SLC22A16: variants seen among roughly 807,000 people sequenced by gnomAD.
SLC22A16 encodes the protein solute carrier family 22 member 16, also known as WUGSC:RG331P03.1.
SLC22A16 carries 53 observed loss-of-function variants against 52.9 expected under a neutral mutation model. The ratio of observed to expected loss-of-function variants is 1.00; its 90% confidence interval spans 0.80 to 1.26. The LOEUF is 1.26. Ranked by LOEUF, SLC22A16 falls within the 50% of genes most tolerant of loss-of-function variation. The probability of loss-of-function intolerance (pLI) is 0.00; values close to 1 mark genes in which losing one functional copy is unlikely to be tolerated. For missense variants in SLC22A16, 726 were observed against 704.0 expected (o/e 1.03, Z -0.35); for synonymous variants, 291 against 268.8 (o/e 1.08, Z -0.81).
intron 2 of SLC22A16, chr6:110,455,463 T>A (rs898645839): frequency 6.6e-6 from 1 of 152,160 alleles, no homozygotes; most frequent in African/African-American, 2.4e-5. Flanking sequence ...TAGACTGGTA[T>A]ACCTCAAGGG....
At chr6:110,432,993 A>T (rs1456095054) in intron 6 of SLC22A16, among the ~76,000 whole-genome samples, 1 of 152,218 alleles carries the variant, frequency 6.6e-6, no homozygotes, top group Non-Finnish European at 1.5e-5. Context: ...TGGGTCACTG[A>T]CTAGCCAGAT....
intron 2 of SLC22A16, 126 bp downstream of exon 2, chr6:110,456,412 G>A: frequency 8.7e-7 from 1 of 1,155,094 alleles, no homozygotes; most frequent in East Asian, 2.3e-5. Flanking sequence ...GATCAGCAAA[G>A]AGGTAGGTAT....
At chr6:110,474,995 C>G (rs780651693) in intron 1 of SLC22A16, 5 of 518,970 alleles carry the variant, frequency 9.6e-6, no homozygotes, top group Non-Finnish European at 1.9e-5. Context: ...ATTTTCACTA[C>G]TCCTATTTGA....
At chr6:110,429,764 G>T (rs1468631929) in intron 7 of SLC22A16, among the ~76,000 whole-genome samples, 7 of 152,164 alleles carry the variant, frequency 4.6e-5, no homozygotes, top group African/African-American at 1.4e-4. Context: ...GTACAGACAT[G>T]CTTGAGAAAA....
chr6:110,457,121 A>G (rs1371455163), intron 1 of SLC22A16, 104 bp from the exon 2 acceptor site: 4 of 1,008,910 alleles, frequency 4.0e-6, no homozygotes, highest in African/African-American at 1.6e-5. Context: ...CATATACACG[A>G]ATGGATAAAT....
At chr6:110,449,102 A>G (rs745781835) in intron 2 of SLC22A16, among the ~76,000 whole-genome samples, 3 of 152,026 alleles carry the variant, frequency 2.0e-5, no homozygotes, top group Non-Finnish European at 4.4e-5. Flanking sequence ...TCCTCAGCCA[A>G]TGATGACCAG....
intron 1 of SLC22A16, 196 bp downstream of exon 1, chr6:110,476,326 C>T: frequency 7.3e-7 from 1 of 1,379,204 alleles, no homozygotes; most frequent in Non-Finnish European, 9.3e-7. Context: ...CATGCCAGGT[C>T]CCGCTGCCAG....
At chr6:110,434,517 A>C (rs371252810) in intron 6 of SLC22A16, among the ~76,000 whole-genome samples, 1 of 152,044 alleles carries the variant, frequency 6.6e-6, no homozygotes, top group Non-Finnish European at 1.5e-5. Flanking sequence ...CCTCTTCACC[A>C]CATAAAGAGT....
chr6:110,431,379 G>T, intron 6 of SLC22A16, 109 bp from the exon 7 acceptor site: 3 of 897,584 alleles, frequency 3.3e-6, no homozygotes, highest in Non-Finnish European at 5.3e-6. Context: ...GGATAAGGGT[G>T]GTCAGGCAGC....
chr6:110,454,133 A>T (rs1775491918), intron 2 of SLC22A16, among the ~76,000 whole-genome samples: 1 of 152,194 alleles, frequency 6.6e-6, no homozygotes, highest in Non-Finnish European at 1.5e-5. Context: ...TCAAATTTCA[A>T]CATGAGCCTT....
chr6:110,458,505 T>A (rs980624349), intron 1 of SLC22A16, among the ~76,000 whole-genome samples: 1 of 152,228 alleles, frequency 6.6e-6, no homozygotes, highest in East Asian at 1.9e-4. Context: ...ACAAAATAAA[T>A]GGCATAGTAT....
In SLC22A16 at chr6:110,435,890, A is replaced by C; in HGVS notation, c.1383T>G (p.Ile461Met). 6.2e-7 allele frequency: 1 copy of C among 1,613,934 alleles called. No homozygotes were observed. The highest frequency in any genetic ancestry group is 8.5e-7 in the Non-Finnish European group (1 of 1,179,886). Residue 461 changes from isoleucine to methionine, a missense_variant, in exon 6 of 8, where the codon ATT (isoleucine) becomes ATG (methionine). Physicochemically the swap from Ile to Met is conservative, Grantham distance 10 (BLOSUM62 1). Transcript: ENST00000368919. ...GATACAGCTCAGCTGTATAAAGATAAATGAGGCCAAATGCTGCCCCGATGG... is the reference window on the plus strand; with the variant it reads ...GATACAGCTCAGCTGTATAAAGATACATGAGGCCAAATGCTGCCCCGATGG... ...KFAIGAAFGLIYLYTAELYPT... is the reference protein window; with the variant it reads ...KFAIGAAFGLMYLYTAELYPT...
intron 2 of SLC22A16, among the ~76,000 whole-genome samples, chr6:110,449,582 G>C (rs1375729561): frequency 6.6e-6 from 1 of 152,086 alleles, no homozygotes; most frequent in Non-Finnish European, 1.5e-5. Flanking sequence ...ATATCCAAAC[G>C]TGTTCCCTTC....
chr6:110,429,152 A>G (rs1774395194), intron 7 of SLC22A16, among the ~76,000 whole-genome samples: 1 of 152,176 alleles, frequency 6.6e-6, no homozygotes, highest in African/African-American at 2.4e-5. Flanking sequence ...AAAAAAAATA[A>G]TAAGGAAAAC....
chr6:110,459,735 T>C lies in SLC22A16; in HGVS notation c.54-2718A>G, dbSNP rs147472828. ...TAGGGGAAACTGGGTGAGGGTCATATGGGGACTCTGTACTATCTGTGTAAC... is the reference window on the plus strand; with the variant it reads ...TAGGGGAAACTGGGTGAGGGTCATACGGGGACTCTGTACTATCTGTGTAAC... On this transcript the variant is annotated intron_variant, in intron 1 of 7. Coordinates refer to ENST00000368919, the MANE Select transcript of SLC22A16 (RefSeq NM_033125.4). Among the ~76,000 whole-genome samples, 840 of 152,330 alleles carry C rather than the reference T, an allele frequency of 5.5e-3. 6 individuals are homozygous for C. The highest frequency in any genetic ancestry group is 0.031 in the Middle Eastern group (9 of 294).
Position 110,456,971 on chromosome 6 carries a change from A to G in SLC22A16, c.100T>C (p.Cys34Arg). The G allele has an allele frequency of 6.3e-7, 1 of 1,580,186 alleles. No homozygotes were observed. Reference sequence around the variant, plus strand: ...ACAGAAGCCAAGTAGTGAATACCACAAGAGATGTTCTGGAAGGCACATATG... The same window carrying G: ...ACAGAAGCCAAGTAGTGAATACCACGAGAGATGTTCTGGAAGGCACATATG... ...YFICAFQNIS[C>R]GIHYLASVFM... is the part of the protein sequence containing the mutation. The change falls in exon 2 of 8, where the codon TGT becomes CGT. Residue 34 changes from cysteine to arginine, a missense_variant. Coordinates refer to ENST00000368919, the MANE Select transcript of SLC22A16 (RefSeq NM_033125.4).
chr6:110,438,105 A>C (rs1168615983), intron 5 of SLC22A16, among the ~76,000 whole-genome samples: 1 of 152,062 alleles, frequency 6.6e-6, no homozygotes, highest in Non-Finnish European at 1.5e-5. Context: ...CACGGGTGCC[A>C]GACGCCCTCT....
intron 1 of SLC22A16, among the ~76,000 whole-genome samples, chr6:110,468,330 T>C (rs1776141376): frequency 1.3e-5 from 2 of 152,176 alleles, no homozygotes; most frequent in African/African-American, 2.4e-5. Flanking sequence ...AACATTAATA[T>C]GTCCCTGCCA....
At chr6:110,463,190 A>G (rs1288273502) in intron 1 of SLC22A16, among the ~76,000 whole-genome samples, 1 of 152,132 alleles carries the variant, frequency 6.6e-6, no homozygotes, top group East Asian at 1.9e-4. Flanking sequence ...TAGAAAGTTC[A>G]CAGATCCCAT....
Sources: gnomAD v4.1 joint callset for allele counts (sites outside exome capture counted in the v4.1 genomes callset) on GRCh38, gnomAD v4.1.1 for gene constraint, MANE v1.5 for transcripts, NCBI Gene and HGNC (gene_info 2026-07-23, HGNC 2026-07-21) for gene names.